Variants in B3GALT1 observed in about 807,000 individuals in gnomAD.
B3GALT1 encodes UDP-Gal:betaGlcNAc beta 1,3-galactosyltransferase, polypeptide 1.
Under a neutral mutation model 23.2 loss-of-function variants are expected in B3GALT1, and 10 were observed. That is an observed-to-expected ratio of 0.43 (90% CI 0.27 to 0.73). The LOEUF is 0.73. Among genes scored for constraint, B3GALT1 ranks in the 30% least tolerant of loss-of-function variants. The probability of loss-of-function intolerance (pLI) is 0.21; values close to 1 mark genes in which losing one functional copy is unlikely to be tolerated. For missense variants in B3GALT1, 299 were observed against 405.4 expected (o/e 0.74, Z 2.25); for synonymous variants, 156 against 141.5 (o/e 1.10, Z -0.73).
intron 1 of B3GALT1, among the ~76,000 whole-genome samples, chr2:167,318,620 A>G (rs1195147566): frequency 2.0e-5 from 3 of 152,262 alleles, no homozygotes; most frequent in Non-Finnish European, 4.4e-5. Flanking sequence ...TTAAGATTTC[A>G]TAATTATTTA....
At chr2:167,352,737 A>G (rs1007513187) in intron 1 of B3GALT1, among the ~76,000 whole-genome samples, 1 of 6,844 alleles carries the variant, frequency 1.5e-4, no homozygotes, top group South Asian at 6.5e-3. Flanking sequence ...AAAAAAAAAC[A>G]AACAAACTGT....
intron 2 of B3GALT1, among the ~76,000 whole-genome samples, chr2:167,545,095 C>T (rs1324694787): frequency 5.7e-5 from 7 of 122,998 alleles, no homozygotes; most frequent in South Asian, 5.6e-4. Context: ...AGTGCAGTGG[C>T]ACGATCTCTA....
chr2:167,709,720 C>T (rs926669549), intron 3 of B3GALT1, among the ~76,000 whole-genome samples: 3 of 150,970 alleles, frequency 2.0e-5, no homozygotes, highest in Non-Finnish European at 1.5e-5. Context: ...ATTTAATCCT[C>T]GCCATGAGAA....
intron 3 of B3GALT1, among the ~76,000 whole-genome samples, chr2:167,711,740 G>A (rs961809043): frequency 1.3e-5 from 2 of 152,108 alleles, no homozygotes; most frequent in Non-Finnish European, 2.9e-5. Flanking sequence ...CAAGGTGGGC[G>A]AGTAGCTTGA....
intron 1 of B3GALT1, among the ~76,000 whole-genome samples, chr2:167,489,429 C>T (rs1699671583): frequency 6.6e-6 from 1 of 152,118 alleles, no homozygotes; most frequent in Non-Finnish European, 1.5e-5. Flanking sequence ...TACAAAGAAA[C>T]AGTCAGTTTG....
intron 3 of B3GALT1, among the ~76,000 whole-genome samples, chr2:167,661,900 T>C (rs1303514449): frequency 6.6e-6 from 1 of 152,008 alleles, no homozygotes; most frequent in Non-Finnish European, 1.5e-5. Flanking sequence ...GATAACTAAG[T>C]GTCAGGGGTG....
Position 167,468,930 on chromosome 2 carries a change from G to A in B3GALT1, c.-510-21247G>A, listed in dbSNP as rs554512085. ...ACTTACTCCATAAAATCAGGCATAA[G>A]GCAAGAATACCATTGTAGCCACTTA... On this transcript the variant is annotated intron_variant, in intron 1 of 4. Transcript: ENST00000392690. Among the ~76,000 whole-genome samples the A allele has an allele frequency of 5.3e-5, 8 of 152,216 alleles. No homozygotes were observed. In the South Asian group the frequency reaches 1.7e-3, roughly 32 times the overall value.
chr2:167,644,276 A>G (rs1334095000), intron 2 of B3GALT1, among the ~76,000 whole-genome samples: 1 of 152,180 alleles, frequency 6.6e-6, no homozygotes, highest in Admixed American at 6.5e-5. Flanking sequence ...GGTGTTCTGG[A>G]TGAGAGAAGG....
intron 1 of B3GALT1, among the ~76,000 whole-genome samples, chr2:167,427,025 A>C (rs1200103215): frequency 2.0e-5 from 3 of 152,234 alleles, no homozygotes; most frequent in Non-Finnish European, 4.4e-5. Context: ...TTATATAGCA[A>C]TGAAAGTTAA....
At chr2:167,717,769 T>C (rs1687174428) in intron 3 of B3GALT1, among the ~76,000 whole-genome samples, 2 of 152,232 alleles carry the variant, frequency 1.3e-5, no homozygotes, top group African/African-American at 4.8e-5. Context: ...TAATATATGA[T>C]GCCAATTTAT....
intron 1 of B3GALT1, among the ~76,000 whole-genome samples, chr2:167,299,236 C>T (rs1373799839): frequency 1.3e-5 from 2 of 152,134 alleles, no homozygotes; most frequent in Non-Finnish European, 2.9e-5. Flanking sequence ...TTCTAGGACC[C>T]TAGCACCCAG....
chr2:167,660,773 A>G (rs1454359061), intron 3 of B3GALT1, among the ~76,000 whole-genome samples: 1 of 152,138 alleles, frequency 6.6e-6, no homozygotes, highest in Non-Finnish European at 1.5e-5. Flanking sequence ...TTAGCTTATC[A>G]AACGATTTTC....
chr2:167,679,103 T>G (rs1404340395), intron 3 of B3GALT1, among the ~76,000 whole-genome samples: 1 of 141,544 alleles, frequency 7.1e-6, no homozygotes, highest in Non-Finnish European at 1.6e-5. Flanking sequence ...TTTGTTTTTG[T>G]TTTTGTTTTT....
At chr2:167,421,969 A>C (rs999490641) in intron 1 of B3GALT1, among the ~76,000 whole-genome samples, 42 of 152,094 alleles carry the variant, frequency 2.8e-4, no homozygotes, top group Admixed American at 2.5e-3. Flanking sequence ...CAACCCTAAA[A>C]TCAGGTTTTG....
chr2:167,445,543 A>G (rs6748802), intron 1 of B3GALT1, among the ~76,000 whole-genome samples: 4,682 of 152,202 alleles, frequency 0.031, 224 homozygotes, highest in African/African-American at 0.11. Flanking sequence ...ATGAACCTGG[A>G]TGCTCCTGTA....
chr2:167,707,438 A>G (rs1686982303), intron 3 of B3GALT1, among the ~76,000 whole-genome samples: 1 of 151,972 alleles, frequency 6.6e-6, no homozygotes, highest in Non-Finnish European at 1.5e-5. Flanking sequence ...AGTCTCCATG[A>G]GCTAAGGTCA....
At chr2:167,807,766 TG>T (rs1688785871) in intron 3 of B3GALT1, among the ~76,000 whole-genome samples, 1 of 152,246 alleles carries the variant, frequency 6.6e-6, no homozygotes, top group Non-Finnish European at 1.5e-5. Context: ...AAGTGCAATG[TG>T]GTGCTGAGAA....
intron 4 of B3GALT1, among the ~76,000 whole-genome samples, chr2:167,860,520 C>T (rs1690077746): frequency 6.6e-6 from 1 of 152,078 alleles, no homozygotes; most frequent in African/African-American, 2.4e-5. Flanking sequence ...CTTGTGTGTG[C>T]CATATGTGAT....
At chr2:167,424,960 A>G (rs1574073407) in intron 1 of B3GALT1, among the ~76,000 whole-genome samples, 1 of 152,224 alleles carries the variant, frequency 6.6e-6, no homozygotes, top group South Asian at 2.1e-4. Flanking sequence ...AAATGCGCAC[A>G]CATATGCCTG....
Sources: allele counts gnomAD v4.1 joint callset (sites outside exome capture counted in the v4.1 genomes callset), GRCh38; gene constraint gnomAD v4.1.1; transcripts MANE v1.5; gene names NCBI Gene and HGNC (gene_info 2026-07-23, HGNC 2026-07-21).